Variants in OR3A2 observed in about 807,000 individuals in gnomAD.
The protein encoded by OR3A2 is olfactory receptor family 3 subfamily A member 2, also known as olfactory receptor 3A2.
For missense variants in OR3A2, 318 were observed against 392.8 expected, an observed-to-expected ratio of 0.81 and a Z score of 1.61; for synonymous variants, 126 against 159.3, an observed-to-expected ratio of 0.79 and a Z score of 1.57.
At chr17:3,347,029 A>C (rs901779471) in intron 2 of OR3A2, among the ~76,000 whole-genome samples, 4 of 151,938 alleles carry the variant, frequency 2.6e-5, no homozygotes, top group African/African-American at 9.7e-5. Context: ...TGATATATTG[A>C]TTTTCTTTCA....
intron 2 of OR3A2, among the ~76,000 whole-genome samples, chr17:3,339,668 C>T (rs1012738697): frequency 6.6e-6 from 1 of 152,104 alleles, no homozygotes; most frequent in East Asian, 1.9e-4. Flanking sequence ...CTGCTGGATT[C>T]AGTTTGCCAG....
chr17:3,343,856 AC>A (rs1332636122), intron 2 of OR3A2, among the ~76,000 whole-genome samples: 2 of 151,392 alleles, frequency 1.3e-5, no homozygotes, highest in African/African-American at 2.4e-5. Flanking sequence ...CATCTCCCCC[AC>A]CCCCTTTGCC....
At chr17:3,326,455 C>T (rs2049173567) in intron 3 of OR3A2, among the ~76,000 whole-genome samples, 1 of 151,892 alleles carries the variant, frequency 6.6e-6, no homozygotes, top group African/African-American at 2.4e-5. Context: ...GGAGCTGCAG[C>T]AGAGGAACAT....
At chr17:3,347,400 C>T (rs549091349) in intron 2 of OR3A2, among the ~76,000 whole-genome samples, 2 of 152,272 alleles carry the variant, frequency 1.3e-5, no homozygotes, top group East Asian at 1.9e-4. Context: ...CCCTCTCCCC[C>T]GGCCCCACAA....
At chr17:3,299,381 CGGGGGCACTG>C (rs941633322) in intron 3 of OR3A2, among the ~76,000 whole-genome samples, 1 of 152,088 alleles carries the variant, frequency 6.6e-6, no homozygotes. Context: ...CCTTGTTAAT[CGGGGGCACTG>C]GGGGGCACTG....
At chr17:3,386,137 G>C in exon 1 of OR3A2, 1 of 398,852 alleles carries the variant, frequency 2.5e-6, no homozygotes. Context: ...GAGCCTCGTG[G>C]ACGTCTGCTT....
At chr17:3,285,581 G>T (rs900665633), upstream of OR3A2, among the ~76,000 whole-genome samples, 2 of 152,134 alleles carry the variant, frequency 1.3e-5, no homozygotes, top group Non-Finnish European at 2.9e-5. Context: ...GAGCCCAGAA[G>T]TTCAAAACCA....
At chr17:3,373,583 G>T (rs1246363280) in intron 2 of OR3A2, among the ~76,000 whole-genome samples, 1 of 152,086 alleles carries the variant, frequency 6.6e-6, no homozygotes. Context: ...TTGCTTTAAA[G>T]TCTGTTCTGT....
Position 3,302,395 on chromosome 17 carries a change from T to C in OR3A2, c.-84-23242A>G, listed in dbSNP as rs572199458. 9.9e-5 allele frequency among the ~76,000 whole-genome samples: 15 copies of C among 152,092 alleles called. No homozygotes were observed. In the East Asian group the frequency reaches 2.9e-3, roughly 29 times the overall value. On this transcript the variant is annotated intron_variant, in intron 3 of 4. Coordinates refer to the OR3A2 transcript ENST00000573491. ...AGCATGGTACTGGTACCAAAACAGA[T>C]ATATAGACCAATGGAACAGAACACA...
At chr17:3,377,395 G>A (rs1597365669) in intron 2 of OR3A2, 1 of 152,192 alleles carries the variant, frequency 6.6e-6, no homozygotes. Context: ...ATAAAGGGTA[G>A]CTGCTATCAT....
chr17:3,306,256 A>G (rs1005530933), intron 3 of OR3A2, among the ~76,000 whole-genome samples: 1 of 152,078 alleles, frequency 6.6e-6, no homozygotes, highest in African/African-American at 2.4e-5. Flanking sequence ...GCCTCAAGCA[A>G]TCCTCCTACC....
intron 3 of OR3A2, among the ~76,000 whole-genome samples, chr17:3,329,368 G>C (rs2150640962): frequency 6.6e-6 from 1 of 150,530 alleles, no homozygotes; most frequent in South Asian, 2.1e-4. Flanking sequence ...GTAAACTATT[G>C]ATTATTGCCA....
At chr17:3,356,153 T>C (rs1253810471) in intron 2 of OR3A2, among the ~76,000 whole-genome samples, 1 of 151,364 alleles carries the variant, frequency 6.6e-6, no homozygotes, top group East Asian at 1.9e-4. Context: ...CATCCCCCAC[T>C]TTGTAATTTT....
At chr17:3,310,347 A>T in intron 3 of OR3A2, 2 of 534,660 alleles carry the variant, frequency 3.7e-6, no homozygotes, top group Non-Finnish European at 7.7e-6. Flanking sequence ...TTCAGTTGTG[A>T]CCAAGTTTGT....
exon 2 of OR3A2, chr17:3,278,121 C>T: frequency 6.2e-7 from 1 of 1,614,230 alleles, no homozygotes. Context: ...CTCCTCTGAA[C>T]CCAGTCTCAT....
At position 3,311,244 on chromosome 17, in the gene OR3A2, G is replaced by A. The variant is rs777674323; in HGVS notation, c.-85+24789C>T. 9 of 535,538 alleles carry A rather than the reference G, an allele frequency of 1.7e-5. No homozygotes were observed. Among genetic ancestry groups the A allele is most frequent in the African/African-American group, 5.8e-5 (3 of 51,914 alleles). 33.2% of individuals were successfully genotyped at this position (535,538 alleles called of 1,614,324 possible). On this transcript the variant is annotated intron_variant, in intron 3 of 4. Transcript: ENST00000573491. This position sits in a 1 kb window ranked among gnomAD's most constrained non-coding sequence, Gnocchi z 4.6. The stretch of plus-strand genomic sequence containing the variant: ...CAGTCACTGTTCCTCCGATGCTGGC[G>A]TGTCTCCAGGCCCACCAGTGCAGAG...
chr17:3,278,272 G>A (rs1292755713), exon 2 of OR3A2: 2 of 1,614,112 alleles, frequency 1.2e-6, no homozygotes, highest in Non-Finnish European at 1.7e-6. Flanking sequence ...GTGATGATGA[G>A]AACCAAAGGT....
At chr17:3,278,706 A>G (rs2048759090) in exon 2 of OR3A2, 6 of 1,332,972 alleles carry the variant, frequency 4.5e-6, no homozygotes, top group African/African-American at 1.5e-5. Flanking sequence ...GACATCCAGC[A>G]CTGACAGGTT....
chr17:3,309,612 A>G (rs1472714923), intron 3 of OR3A2, among the ~76,000 whole-genome samples: 1 of 152,318 alleles, frequency 6.6e-6, no homozygotes, highest in South Asian at 2.1e-4. Flanking sequence ...CCCAGACTCT[A>G]TACGGAGAAA....
Sources: gnomAD v4.1 joint callset for allele counts (sites outside exome capture counted in the v4.1 genomes callset) on GRCh38, gnomAD v4.1.1 for gene constraint, Gnocchi (gnomAD v3.1) non-coding constraint, MANE v1.5 for transcripts, NCBI Gene and HGNC (gene_info 2026-07-23, HGNC 2026-07-21) for gene names.